The following CLPTM1 variants were observed in gnomAD, a reference collection of about 807,000 sequenced individuals.
CLPTM1 encodes putative lipid scramblase CLPTM1.
CLPTM1 carries 21 observed loss-of-function variants against 77.3 expected under a neutral mutation model. The observed-to-expected ratio is 0.27, with a 90% CI of 0.19 to 0.39. The LOEUF is 0.39. CLPTM1 is among the 10% of genes least tolerant of loss of function. The probability of loss-of-function intolerance (pLI) is 1.00; values close to 1 mark genes in which losing one functional copy is unlikely to be tolerated. For synonymous variants in CLPTM1, 373 were observed against 381.0 expected, an observed-to-expected ratio of 0.98 and a Z score of 0.24; for missense variants, 642 against 921.2, an observed-to-expected ratio of 0.70 and a Z score of 3.92.
At chr19:44,969,780 C>G (rs1970689904) in intron 2 of CLPTM1, among the ~76,000 whole-genome samples, 1 of 151,580 alleles carries the variant, frequency 6.6e-6, no homozygotes, top group Non-Finnish European at 1.5e-5. Flanking sequence ...CTCCACCTCC[C>G]AGGTTCAAGC....
intron 4 of CLPTM1, among the ~76,000 whole-genome samples, chr19:44,976,310 G>T (rs1328582014): frequency 9.2e-5 from 14 of 152,178 alleles, no homozygotes; most frequent in Admixed American, 9.2e-4. Context: ...CTTCAGGGTG[G>T]GGTCCAAGTG....
At chr19:44,981,655 G>A (rs539728145) in intron 5 of CLPTM1, among the ~76,000 whole-genome samples, 2 of 150,932 alleles carry the variant, frequency 1.3e-5, no homozygotes, top group East Asian at 4.0e-4. Flanking sequence ...GCTCACACCT[G>A]TAATCCCAGC....
intron 5 of CLPTM1, 124 bp from the exon 6 acceptor site, chr19:44,985,094 C>T: frequency 4.6e-6 from 3 of 649,308 alleles, no homozygotes; most frequent in Non-Finnish European, 8.4e-6. Flanking sequence ...TTGATCTCAG[C>T]AGGTGAGTGC....
intron 5 of CLPTM1, among the ~76,000 whole-genome samples, chr19:44,982,126 A>C (rs1446086570): frequency 2.6e-5 from 4 of 151,664 alleles, no homozygotes; most frequent in Non-Finnish European, 5.9e-5. Flanking sequence ...AGGCAGGTGG[A>C]TCACTTGAGG....
chr19:44,970,377 T>C lies in CLPTM1; in HGVS notation c.186-2710T>C, dbSNP rs953170154. On this transcript the variant is annotated intron_variant, in intron 2 of 13. Coordinates refer to ENST00000337392, the MANE Select transcript of CLPTM1 (RefSeq NM_001294.4). Reference sequence around the variant, plus strand: ...AGGGTAGGTCTCTGGTTACCTCATATGTTGTATGTGCCCTGGGCTAGCATT... The same window carrying C: ...AGGGTAGGTCTCTGGTTACCTCATACGTTGTATGTGCCCTGGGCTAGCATT... 2.8e-5 allele frequency among the ~76,000 whole-genome samples: 4 copies of C among 142,206 alleles called. No individual in the cohort carries two copies. The East Asian group carries it at 5.9e-4, about 21-fold the overall frequency. 93.3% of individuals were successfully genotyped at this position (142,206 alleles called of 152,430 possible). A position where few individuals can be genotyped will look rare whatever the true frequency, so the allele number is the denominator to read the frequency against.
chr19:44,981,077 G>A (rs1329494918), intron 5 of CLPTM1, among the ~76,000 whole-genome samples: 1 of 151,922 alleles, frequency 6.6e-6, no homozygotes, highest in Non-Finnish European at 1.5e-5. Flanking sequence ...TCCTGACCTC[G>A]TGATCCACCC....
rs1308622793 is a variant in CLPTM1 at position 44,991,435 on chromosome 19, A to G, written c.1555+62A>G. On this transcript the variant is annotated intron_variant, in intron 12 of 13. Transcript: ENST00000337392. The surrounding 1 kb of genome is among the most constrained non-coding windows in gnomAD (Gnocchi z 5.4). ...CATGCTGCGCAGGGCTCACAGCCCC[A>G]GTGTAGGAGACAGACCCATCCCCAG... The G allele has an allele frequency of 1.3e-6, 2 of 1,580,232 alleles. No homozygotes were observed. The highest frequency in any genetic ancestry group is 8.6e-7 in the Non-Finnish European group (1 of 1,163,808).
At chr19:44,983,894 G>A (rs186118914) in intron 5 of CLPTM1, among the ~76,000 whole-genome samples, 54 of 152,220 alleles carry the variant, frequency 3.5e-4, no homozygotes, top group African/African-American at 1.2e-3. Flanking sequence ...CCCAGGAGGC[G>A]GAGGTTGCAG....
intron 5 of CLPTM1, among the ~76,000 whole-genome samples, chr19:44,977,847 G>T (rs1042723963): frequency 1.3e-5 from 2 of 152,142 alleles, no homozygotes; most frequent in African/African-American, 4.8e-5. Flanking sequence ...TGGGTGCAGT[G>T]GTTCATGCCT....
chr19:44,987,596 T>C, intron 8 of CLPTM1, 173 bp downstream of exon 8: 1 of 857,654 alleles, frequency 1.2e-6, no homozygotes, highest in Non-Finnish European at 1.8e-6. Context: ...CACCCAGCCC[T>C]CCAGCCCTAG....
rs1044710360 is a variant in CLPTM1 at position 44,985,231 on chromosome 19, C to T, written c.600C>T (p.Tyr200=). 1.9e-6 allele frequency: 3 copies of T among 1,613,732 alleles called. No individual in the cohort carries two copies. In the African/African-American group the frequency reaches 4.0e-5, roughly 22 times the overall value. Residue 200 remains tyrosine (Y), a synonymous_variant, in exon 6 of 14, where the codon TAC becomes TAT. Transcript: ENST00000337392. The stretch of plus-strand genomic sequence containing the variant: ...TCCCAACCACAGTGATCAACAAATA[C>T]AAGCGCAGACGATTTCAGAAAACCA... ...TVHMSRMINK[Y]KRRRFQKTKN... is the part of the protein sequence containing the mutation.
intron 6 of CLPTM1, among the ~76,000 whole-genome samples, chr19:44,985,934 C>T (rs538719552): frequency 8.5e-4 from 129 of 152,232 alleles, no homozygotes; most frequent in African/African-American, 2.7e-3. Flanking sequence ...ACCTCTACCT[C>T]GGTTTTCTAC....
At chr19:44,980,128 G>C (rs1970871517) in intron 5 of CLPTM1, among the ~76,000 whole-genome samples, 1 of 152,088 alleles carries the variant, frequency 6.6e-6, no homozygotes, top group Admixed American at 6.6e-5. Flanking sequence ...CCCAGCCTTG[G>C]AGCTGGGACC....
chr19:44,955,164 C>T (rs1970438717), upstream of CLPTM1: 3 of 1,535,440 alleles, frequency 2.0e-6, no homozygotes, highest in South Asian at 2.4e-5. Flanking sequence ...GAGTTCGGAG[C>T]ATACAGTGTT....
At chr19:44,955,206 A>C, upstream of CLPTM1, 1 of 1,530,878 alleles carries the variant, frequency 6.5e-7, no homozygotes, top group Non-Finnish European at 8.7e-7. Context: ...GGCTGGGAGA[A>C]AGACGAGTAC....
chr19:44,978,740 G>A (rs971202107), intron 5 of CLPTM1, among the ~76,000 whole-genome samples: 1 of 152,122 alleles, frequency 6.6e-6, no homozygotes, highest in Non-Finnish European at 1.5e-5. Context: ...TTCCTGAGGG[G>A]AGGGTCCTCA....
At chr19:44,958,633 A>G (rs1970499414) in intron 1 of CLPTM1, among the ~76,000 whole-genome samples, 1 of 152,162 alleles carries the variant, frequency 6.6e-6, no homozygotes, top group Admixed American at 6.5e-5. Context: ...CGGCCTCCCA[A>G]AGTGCTGGGA....
In CLPTM1 at chr19:44,964,370, G is replaced by A. The variant is rs192994499; in HGVS notation, c.185+2295G>A. On this transcript the variant is annotated intron_variant, in intron 2 of 13. Transcript: ENST00000337392. The stretch of plus-strand genomic sequence containing the variant: ...TTGTCACCCAGGCTGGAGTGCAGTA[G>A]TGCAATCTCGGCTCACTGCAGTCTC... Among the ~76,000 whole-genome samples the A allele has an allele frequency of 8.9e-3, 1,086 of 121,444 alleles. 14 individuals are homozygous for A. Among genetic ancestry groups the A allele is most frequent in the African/African-American group, 0.03 (948 of 31,444 alleles). The allele number at this position is 121,444 out of a possible 152,430, so 79.7% of individuals were successfully genotyped here.
At chr19:44,954,796 G>C (rs1047491166), upstream of CLPTM1, 5 of 1,280,326 alleles carry the variant, frequency 3.9e-6, no homozygotes, top group African/African-American at 1.5e-5. Context: ...TTTGTTGGCC[G>C]TAAGACCCCT....
Sources: allele counts gnomAD v4.1 joint callset (sites outside exome capture counted in the v4.1 genomes callset), GRCh38; gene constraint gnomAD v4.1.1; non-coding constraint Gnocchi (gnomAD v3.1); transcripts MANE v1.5; gene names NCBI Gene and HGNC (gene_info 2026-07-23, HGNC 2026-07-21).